The following KCNA6 variants were observed in gnomAD, a reference collection of about 807,000 sequenced individuals.
KCNA6 encodes the protein potassium voltage-gated channel subfamily A member 6.
A neutral mutation model predicts 29.5 loss-of-function variants in KCNA6; 17 were observed. The observed-to-expected ratio is 0.58, with a 90% CI of 0.39 to 0.86. The LOEUF (loss-of-function observed/expected upper bound fraction) is 0.86. KCNA6 is among the 40% of genes least tolerant of loss of function. The probability of loss-of-function intolerance (pLI) is 0.00; values close to 1 mark genes in which losing one functional copy is unlikely to be tolerated. For missense variants in KCNA6, 450 were observed against 703.4 expected, an observed-to-expected ratio of 0.64 and a Z score of 4.07; for synonymous variants, 296 against 304.7, an observed-to-expected ratio of 0.97 and a Z score of 0.30.
the KCNA6 span, among the ~76,000 whole-genome samples, chr12:4,819,388 A>ACTTCCACTGTCCT: frequency 6.6e-6 from 1 of 152,074 alleles, no homozygotes; most frequent in South Asian, 2.1e-4. Flanking sequence ...TGGCTTTCAA[A>ACTTCCACTGTCCT]CTTCCACTGT....
the KCNA6 span, among the ~76,000 whole-genome samples, chr12:4,819,183 G>T: frequency 6.6e-6 from 1 of 152,128 alleles, no homozygotes; most frequent in Middle Eastern, 3.4e-3. Context: ...ATCTTTCTAT[G>T]GATCCCTTTC....
rs754492864 is a variant in KCNA6 at position 4,810,272 on chromosome 12, C to G, written c.231C>G (p.Phe77Leu). Residue 77 changes from phenylalanine (F) to leucine (L), a missense_variant, in exon 1 of 1, where the codon TTC becomes TTG. Transcript: ENST00000280684. This position sits in a 1 kb window ranked among gnomAD's most constrained non-coding sequence, Gnocchi z 7.5. ...ACCCTGGCCGGCGAGTCCGCTTCTT[C>G]GACCCCCTGAGGAACGAGTACTTCT... The G allele has an allele frequency of 6.2e-7, 1 of 1,614,032 alleles. No individual in the cohort carries two copies.
chr12:4,843,185 C>CTT, the KCNA6 span, among the ~76,000 whole-genome samples: 2,935 of 146,838 alleles, frequency 0.02, 45 homozygotes, highest in Middle Eastern at 0.071. Flanking sequence ...AAATTCTTTA[C>CTT]TTTTTTTTTT....
At chr12:4,847,583 T>G in the KCNA6 span, among the ~76,000 whole-genome samples, 1 of 152,174 alleles carries the variant, frequency 6.6e-6, no homozygotes, top group Admixed American at 6.5e-5. Flanking sequence ...GTTCCTTTTT[T>G]TAATAGCAGC....
At chr12:4,834,245 C>A in the KCNA6 span, among the ~76,000 whole-genome samples, 2 of 152,098 alleles carry the variant, frequency 1.3e-5, no homozygotes, top group Admixed American at 1.3e-4. Context: ...AGCCTGTCTT[C>A]TTTGAAGTGT....
rs921950226 is a variant in KCNA6 at position 4,811,720 on chromosome 12, G to A, written c.*89G>A. On this transcript the variant is annotated 3_prime_UTR_variant, in exon 1 of 1. Coordinates refer to ENST00000280684, the Ensembl canonical transcript of KCNA6. The surrounding 1 kb of genome is among the most constrained non-coding windows in gnomAD (Gnocchi z 7.1). ...ATTTCCACTACTCACTCTAGCTTCA[G>A]TTGACTTCTTGACTCTCTCCCCTAC... is the stretch of plus-strand genomic sequence containing the variant. 3.1e-5 allele frequency: 46 copies of A among 1,469,372 alleles called. No homozygotes were observed. The African/African-American group carries it at 5.8e-4, about 18-fold the overall frequency. 91.0% of individuals were successfully genotyped at this position (1,469,372 alleles called of 1,614,324 possible).
At chr12:4,819,507 CCTT>C in the KCNA6 span, among the ~76,000 whole-genome samples, 24 of 152,188 alleles carry the variant, frequency 1.6e-4, no homozygotes, top group Non-Finnish European at 4.4e-5. Flanking sequence ...GCTTTCCTGT[CCTT>C]CTTTGAGGTG....
exon 1 of KCNA6, chr12:4,809,959 G>A: frequency 1.4e-6 from 2 of 1,449,902 alleles, no homozygotes; most frequent in African/African-American, 1.4e-5. Flanking sequence ...GGGCGCAGCC[G>A]GGAGCTGGGG....
the KCNA6 span, among the ~76,000 whole-genome samples, chr12:4,839,711 A>G: frequency 5.9e-5 from 9 of 152,266 alleles, no homozygotes; most frequent in African/African-American, 1.9e-4. Context: ...ATGTATGTAT[A>G]CATGCATAGA....
the KCNA6 span, among the ~76,000 whole-genome samples, chr12:4,824,745 G>A: frequency 6.6e-6 from 1 of 152,178 alleles, no homozygotes; most frequent in East Asian, 1.9e-4. Context: ...TAGGTAGGAT[G>A]CTTCCTCCCC....
chr12:4,842,193 A>G, the KCNA6 span, among the ~76,000 whole-genome samples: 1 of 152,192 alleles, frequency 6.6e-6, no homozygotes, highest in African/African-American at 2.4e-5. Context: ...AGGGACATTT[A>G]ACTCAATGAC....
downstream of KCNA6, among the ~76,000 whole-genome samples, chr12:4,818,387 A>G (rs1026893567): frequency 5.3e-4 from 81 of 152,194 alleles, no homozygotes; most frequent in Non-Finnish European, 1.8e-4. Flanking sequence ...GCTGGGTAAC[A>G]TGGGGCAAGT....
At chr12:4,820,465 GAGTTGTGCCTGGGACCCAA>G in the KCNA6 span, among the ~76,000 whole-genome samples, 1 of 151,230 alleles carries the variant, frequency 6.6e-6, no homozygotes. Context: ...ATTAGGGGCA[GAGTTGTGCCTGGGACCCAA>G]ATTTTCTAAC....
At chr12:4,816,085 G>T (rs1565405228), downstream of KCNA6, among the ~76,000 whole-genome samples, 1 of 152,218 alleles carries the variant, frequency 6.6e-6, no homozygotes, top group Non-Finnish European at 1.5e-5. Context: ...TTCCATCTGG[G>T]CTGGGAGAAC....
chr12:4,831,685 TC>T, the KCNA6 span, among the ~76,000 whole-genome samples: 1 of 152,126 alleles, frequency 6.6e-6, no homozygotes, highest in East Asian at 1.9e-4. Context: ...GATTTTGGAG[TC>T]CAGTGTGTTA....
chr12:4,838,166 A>G, the KCNA6 span, among the ~76,000 whole-genome samples: 96,231 of 151,998 alleles, frequency 0.63, 31,154 homozygotes, highest in Non-Finnish European at 0.69. Flanking sequence ...GAGCTTAAGA[A>G]CCCCTTCCTC....
At chr12:4,848,874 G>A in the KCNA6 span, among the ~76,000 whole-genome samples, 2 of 152,066 alleles carry the variant, frequency 1.3e-5, no homozygotes, top group Non-Finnish European at 2.9e-5. Context: ...CCAGCACTTT[G>A]GGAGGCGGAG....
chr12:4,817,295 T>C (rs1047966537), downstream of KCNA6, among the ~76,000 whole-genome samples: 5 of 152,202 alleles, frequency 3.3e-5, no homozygotes, highest in African/African-American at 1.2e-4. Flanking sequence ...AGCTTGGCAG[T>C]TGGCAGGGAG....
the KCNA6 span, among the ~76,000 whole-genome samples, chr12:4,842,955 T>C: frequency 6.6e-6 from 1 of 151,916 alleles, no homozygotes; most frequent in Non-Finnish European, 1.5e-5. Flanking sequence ...GCAATGGTGA[T>C]GGAGATGGAA....
Sources: gnomAD v4.1 joint callset for allele counts (sites outside exome capture counted in the v4.1 genomes callset) on GRCh38, gnomAD v4.1.1 for gene constraint, Gnocchi (gnomAD v3.1) non-coding constraint, MANE v1.5 for transcripts, NCBI Gene and HGNC (gene_info 2026-07-23, HGNC 2026-07-21) for gene names.